The following COBL variants were observed in gnomAD, a reference collection of about 807,000 sequenced individuals.
The protein encoded by COBL is protein cordon-bleu.
In COBL, 51 loss-of-function variants were observed where a neutral mutation model predicts 98.8. The ratio of observed to expected loss-of-function variants is 0.52; its 90% CI spans 0.41 to 0.65. The LOEUF (loss-of-function observed/expected upper bound fraction) is 0.65, where lower values mean the gene tolerates loss of function less well. Ranked by LOEUF, COBL falls within the 30% of genes least tolerant of loss-of-function variation. The pLI is 0.00. For missense variants in COBL, 1,617 were observed against 1,617.5 expected, an observed-to-expected ratio of 1.00 and a Z score of 0.01; for synonymous variants, 634 against 651.7, an observed-to-expected ratio of 0.97 and a Z score of 0.41.
intron 5 of COBL, among the ~76,000 whole-genome samples, chr7:51,170,069 C>T (rs1640631434): frequency 6.6e-6 from 1 of 152,154 alleles, no homozygotes; most frequent in Admixed American, 6.5e-5. Flanking sequence ...GCATTACCCA[C>T]TCTCATTATA....
intron 1 of COBL, among the ~76,000 whole-genome samples, chr7:51,249,971 G>A (rs530098822): frequency 9.9e-4 from 151 of 152,148 alleles, no homozygotes; most frequent in African/African-American, 3.3e-3. Context: ...GTGTGGTGGC[G>A]CTTGCTTGTA....
Position 51,024,356 on chromosome 7 carries a change from C to A in COBL, c.3768+753G>T, listed in dbSNP as rs548239862. ...ATAAAATAATAAAATAAAATAAAAT[C>A]TTTTTCCAACCTCCCAATTATTAGC... On this transcript the variant is annotated intron_variant, in intron 12 of 12. Transcript: ENST00000265136. 3.3e-5 allele frequency among the ~76,000 whole-genome samples: 5 copies of A among 152,134 alleles called. 1 individual carries two copies. In the South Asian group the frequency reaches 8.3e-4, roughly 25 times the overall value.
At chr7:51,210,934 T>A (rs1021019986) in intron 2 of COBL, among the ~76,000 whole-genome samples, 2 of 152,196 alleles carry the variant, frequency 1.3e-5, no homozygotes, top group Non-Finnish European at 2.9e-5. Flanking sequence ...CTTGGGACAA[T>A]GGCAGTGCCC....
chr7:51,217,706 G>A (rs534215684), intron 2 of COBL, among the ~76,000 whole-genome samples: 3 of 152,276 alleles, frequency 2.0e-5, no homozygotes, highest in South Asian at 2.1e-4. Context: ...AGAATGGCGA[G>A]TAAACCCTAA....
At chr7:51,019,578 AT>A (rs1786718237) in intron 12 of COBL, among the ~76,000 whole-genome samples, 1 of 152,132 alleles carries the variant, frequency 6.6e-6, no homozygotes, top group Non-Finnish European at 1.5e-5. Context: ...GGAGAACAGC[AT>A]TTGCTGGCCC....
rs552401674 is a variant in COBL at position 51,028,653 on chromosome 7, A to G, written c.2443T>C (p.Ser815Pro). Residue 815 changes from serine (S) to proline (P), a missense_variant, in exon 10 of 13, where the codon TCG (serine) becomes CCG (proline). By Grantham distance (74) the Ser-to-Pro change is moderately conservative. This residue lies in a region of COBL where 1,304 missense variants were observed against 1,282.0 expected (regional missense o/e 1.02). Coordinates refer to ENST00000265136, the MANE Select transcript of COBL (RefSeq NM_015198.5). ...TGGTGGGCAGACTTCTGCTGGGGCG[A>G]TATTGGCTTGGGGTCTGCTTGGAGT... is the stretch of plus-strand genomic sequence containing the variant. The part of the protein sequence containing the change: ...SRLQADPKPI[S>P]PQQKSAHHEG... 6.2e-7 allele frequency: 1 copy of G among 1,612,698 alleles called. No homozygotes were observed. Among genetic ancestry groups the G allele is most frequent in the South Asian group, 1.1e-5 (1 of 90,932 alleles).
At chr7:51,139,476 T>C (rs181713435) in intron 5 of COBL, among the ~76,000 whole-genome samples, 262 of 152,276 alleles carry the variant, frequency 1.7e-3, no homozygotes, top group Middle Eastern at 6.8e-3. Flanking sequence ...TGAATTTCAA[T>C]AGAACAGATG....
At chr7:51,044,965 C>T (rs962491551) in intron 7 of COBL, among the ~76,000 whole-genome samples, 6 of 151,926 alleles carry the variant, frequency 3.9e-5, no homozygotes, top group African/African-American at 1.2e-4. Flanking sequence ...AAGAATAGAA[C>T]GAAAAAAAGG....
At chr7:51,095,691 G>T (rs186128210) in intron 6 of COBL, among the ~76,000 whole-genome samples, 6 of 152,002 alleles carry the variant, frequency 3.9e-5, no homozygotes, top group Admixed American at 3.9e-4. Flanking sequence ...AGTAAAAGGA[G>T]GGAAAAAGAT....
chr7:51,218,186 A>G (rs1199121794), intron 2 of COBL, among the ~76,000 whole-genome samples: 5 of 152,208 alleles, frequency 3.3e-5, no homozygotes, highest in African/African-American at 4.8e-5. Context: ...CCAAATTTTT[A>G]TTCACTTATC....
intron 6 of COBL, among the ~76,000 whole-genome samples, chr7:51,100,473 T>C (rs1348429655): frequency 6.6e-6 from 1 of 152,216 alleles, no homozygotes; most frequent in Non-Finnish European, 1.5e-5. Flanking sequence ...CTTGCTTTGT[T>C]CTATGAATCC....
At chr7:51,247,778 C>T (rs761304358) in intron 1 of COBL, among the ~76,000 whole-genome samples, 1 of 152,174 alleles carries the variant, frequency 6.6e-6, no homozygotes, top group Non-Finnish European at 1.5e-5. Context: ...AGCTGAGTTA[C>T]TGCTGAAAGA....
At chr7:51,185,362 C>T (rs1427816480) in intron 4 of COBL, among the ~76,000 whole-genome samples, 3 of 152,218 alleles carry the variant, frequency 2.0e-5, no homozygotes, top group Non-Finnish European at 4.4e-5. Context: ...GGAGAACACG[C>T]TTGGGAGTGG....
chr7:51,314,622 G>A (rs563586753), intron 1 of COBL, among the ~76,000 whole-genome samples: 14 of 152,196 alleles, frequency 9.2e-5, no homozygotes, highest in African/African-American at 2.9e-4. Flanking sequence ...AAAAATATAA[G>A]GATATTAACA....
intron 1 of COBL, among the ~76,000 whole-genome samples, chr7:51,262,984 G>A (rs979626177): frequency 2.6e-5 from 4 of 152,178 alleles, no homozygotes; most frequent in African/African-American, 9.6e-5. Context: ...TGGGCAAGGT[G>A]AGGCACGGAC....
chr7:51,226,522 T>TTGAG (rs3081930), intron 1 of COBL, among the ~76,000 whole-genome samples: 2,216 of 150,538 alleles, frequency 0.015, 47 homozygotes, highest in African/African-American at 0.046. Context: ...CACCACTGCG[T>TTGAG]TGAGTGAGTG....
At chr7:51,058,935 G>A (rs1279532173) in intron 7 of COBL, among the ~76,000 whole-genome samples, 1 of 152,240 alleles carries the variant, frequency 6.6e-6, no homozygotes, top group Non-Finnish European at 1.5e-5. Context: ...CTTCTCGGCA[G>A]GTCTGCATGG....
intron 1 of COBL, among the ~76,000 whole-genome samples, chr7:51,303,199 T>C (rs1802147791): frequency 6.6e-6 from 1 of 152,212 alleles, no homozygotes; most frequent in South Asian, 2.1e-4. Flanking sequence ...AAATGCTTTA[T>C]ACCCTTTTAT....
Position 51,190,865 on chromosome 7 carries a change from A to T in COBL, c.670T>A (p.Trp224Arg). Reference protein sequence around the residue: ...NELGIKELYAWDNRRETFRKS... With the variant: ...NELGIKELYARDNRRETFRKS... Reference sequence around the variant, plus strand: ...GGGGCCTCACCTCTTCTGTTGTCCCACGCGTAGAGCTCCTTTATCCCGAGC... The same window carrying T: ...GGGGCCTCACCTCTTCTGTTGTCCCTCGCGTAGAGCTCCTTTATCCCGAGC... Residue 224 changes from tryptophan to arginine, a missense_variant, in exon 4 of 13, where the codon TGG becomes AGG. Trp to Arg is a moderately radical substitution (Grantham distance 101). Coordinates refer to ENST00000265136, the MANE Select transcript of COBL (RefSeq NM_015198.5). 6.2e-7 allele frequency: 1 copy of T among 1,613,904 alleles called. No homozygotes were observed. Among genetic ancestry groups the T allele is most frequent in the South Asian group, 1.1e-5 (1 of 91,014 alleles).
Sources: gnomAD v4.1 joint callset for allele counts (sites outside exome capture counted in the v4.1 genomes callset) on GRCh38, gnomAD v4.1.1 for gene constraint, gnomAD v4.1.1 regional missense constraint, MANE v1.5 for transcripts, NCBI Gene and HGNC (gene_info 2026-07-23, HGNC 2026-07-21) for gene names.